Variants in CCSER1 observed in about 807,000 individuals in gnomAD.
CCSER1 encodes coiled-coil serine rich protein 1.
A neutral mutation model predicts 82.0 loss-of-function variants in CCSER1; 41 were observed. The ratio of observed to expected loss-of-function variants is 0.50; its 90% CI spans 0.39 to 0.65. CCSER1 has a LOEUF of 0.65. Among genes scored for constraint, CCSER1 ranks in the 30% least tolerant of loss-of-function variants. The probability of loss-of-function intolerance (pLI) is 0.00; values close to 1 mark genes in which losing one functional copy is unlikely to be tolerated. For missense variants in CCSER1, 1,119 were observed against 1,064.2 expected (o/e 1.05, Z -0.72); for synonymous variants, 414 against 383.9 (o/e 1.08, Z -0.92).
At chr4:90,216,057 A>G (rs1055409189) in intron 1 of CCSER1, among the ~76,000 whole-genome samples, 1 of 152,168 alleles carries the variant, frequency 6.6e-6, no homozygotes, top group Non-Finnish European at 1.5e-5. Flanking sequence ...CCCTGAAGAG[A>G]TTTGAATAAG....
chr4:91,489,005 T>C (rs555315042), intron 10 of CCSER1, among the ~76,000 whole-genome samples: 1 of 152,328 alleles, frequency 6.6e-6, no homozygotes, highest in Admixed American at 6.5e-5. Flanking sequence ...AAGCATTATT[T>C]TGTAATCAGG....
At chr4:91,195,040 G>C (rs1233041864) in intron 10 of CCSER1, among the ~76,000 whole-genome samples, 2 of 152,082 alleles carry the variant, frequency 1.3e-5, no homozygotes, top group African/African-American at 4.8e-5. Flanking sequence ...TATAAAACTT[G>C]AACTATTTTA....
At chr4:90,454,660 A>G (rs892377629) in intron 4 of CCSER1, among the ~76,000 whole-genome samples, 4 of 152,052 alleles carry the variant, frequency 2.6e-5, no homozygotes, top group African/African-American at 2.4e-5. Context: ...TTGGCACTCT[A>G]TGACATACAA....
At position 91,517,635 on chromosome 4, in the gene CCSER1, A is replaced by G. The variant is rs1241726902; in HGVS notation, c.2218-80937A>G. ...CTACGTCTGTCATTTCAGGAACCTC[A>G]GCCCATTTAAGAATCATTTCTGGGA... On this transcript the variant is annotated intron_variant, in intron 10 of 10. Coordinates refer to ENST00000509176, the MANE Select transcript of CCSER1 (RefSeq NM_001145065.2). 4.0e-5 allele frequency among the ~76,000 whole-genome samples: 6 copies of G among 150,432 alleles called. No individual in the cohort carries two copies. The Admixed American group carries it at 4.0e-4, about 10-fold the overall frequency.
chr4:90,969,283 C>T (rs919127013), intron 9 of CCSER1, among the ~76,000 whole-genome samples: 4 of 151,908 alleles, frequency 2.6e-5, no homozygotes, highest in Non-Finnish European at 5.9e-5. Flanking sequence ...GGGATATGAA[C>T]ATCCACGTTC....
At chr4:90,135,334 C>T (rs1335444121) in intron 1 of CCSER1, among the ~76,000 whole-genome samples, 1 of 151,776 alleles carries the variant, frequency 6.6e-6, no homozygotes, top group African/African-American at 2.4e-5. Context: ...TTGAGCAAGA[C>T]CCCCCCTTTG....
chr4:90,348,861 C>A (rs1352261118), intron 3 of CCSER1, among the ~76,000 whole-genome samples: 2 of 152,114 alleles, frequency 1.3e-5, no homozygotes, highest in African/African-American at 4.8e-5. Flanking sequence ...TTGTGAACCA[C>A]ATTTTAACTA....
At chr4:90,644,332 T>C (rs1727097681) in intron 6 of CCSER1, among the ~76,000 whole-genome samples, 3 of 152,194 alleles carry the variant, frequency 2.0e-5, no homozygotes, top group African/African-American at 2.4e-5. Context: ...GTTTTGTTCA[T>C]GAAGTAAACT....
intron 6 of CCSER1, among the ~76,000 whole-genome samples, chr4:90,686,874 G>A (rs533058591): frequency 1.2e-4 from 19 of 152,212 alleles, no homozygotes; most frequent in African/African-American, 4.3e-4. Context: ...GCATATTTCC[G>A]GTGACATATT....
intron 9 of CCSER1, among the ~76,000 whole-genome samples, chr4:90,974,395 A>C (rs1181266955): frequency 6.6e-6 from 1 of 151,252 alleles, no homozygotes; most frequent in Non-Finnish European, 1.5e-5. Flanking sequence ...TATAAACTAA[A>C]ATTATGCAAT....
At chr4:90,898,404 A>G (rs1033857792) in intron 8 of CCSER1, among the ~76,000 whole-genome samples, 10 of 147,652 alleles carry the variant, frequency 6.8e-5, no homozygotes, top group African/African-American at 2.5e-4. Flanking sequence ...CAGCCTCCTG[A>G]GTAGCTGGGA....
chr4:90,185,274 T>G (rs1248950972), intron 1 of CCSER1, among the ~76,000 whole-genome samples: 1 of 152,056 alleles, frequency 6.6e-6, no homozygotes, highest in Non-Finnish European at 1.5e-5. Context: ...CTCCTACATA[T>G]TATTGACTGA....
At chr4:90,408,671 C>A (rs1754151447) in intron 4 of CCSER1, among the ~76,000 whole-genome samples, 1 of 152,136 alleles carries the variant, frequency 6.6e-6, no homozygotes. Flanking sequence ...GATAAAACCA[C>A]AAAGATAGGG....
intron 1 of CCSER1, among the ~76,000 whole-genome samples, chr4:90,197,203 A>G (rs1368584497): frequency 6.6e-6 from 1 of 152,158 alleles, no homozygotes; most frequent in Admixed American, 6.6e-5. Flanking sequence ...ATGACTAGCC[A>G]GATTAAAGAG....
At chr4:91,038,516 A>G (rs935855520) in intron 9 of CCSER1, among the ~76,000 whole-genome samples, 1 of 152,210 alleles carries the variant, frequency 6.6e-6, no homozygotes, top group South Asian at 2.1e-4. Context: ...TGGTTGAAGT[A>G]ATTTATTGTC....
intron 1 of CCSER1, among the ~76,000 whole-genome samples, chr4:90,215,180 C>A (rs1405283359): frequency 3.9e-5 from 6 of 152,180 alleles, no homozygotes; most frequent in African/African-American, 1.4e-4. Flanking sequence ...TAAGCATGTT[C>A]ACCGTTCCTG....
intron 10 of CCSER1, among the ~76,000 whole-genome samples, chr4:91,597,745 G>A (rs949398030): frequency 4.0e-5 from 6 of 151,544 alleles, no homozygotes; most frequent in African/African-American, 1.5e-4. Context: ...TTTCTTTGTA[G>A]CAACAATAAA....
At chr4:90,983,944 A>G (rs1041733762) in intron 9 of CCSER1, among the ~76,000 whole-genome samples, 12 of 151,734 alleles carry the variant, frequency 7.9e-5, no homozygotes, top group Admixed American at 5.9e-4. Flanking sequence ...AAGTAATTCA[A>G]TTCACTAAAG....
intron 10 of CCSER1, among the ~76,000 whole-genome samples, chr4:91,235,188 T>A (rs1461003556): frequency 1.3e-5 from 2 of 152,126 alleles, no homozygotes; most frequent in Admixed American, 1.3e-4. Context: ...AAAATCTAGG[T>A]TAACATAATG....
Sources: allele counts gnomAD v4.1 joint callset (sites outside exome capture counted in the v4.1 genomes callset), GRCh38; gene constraint gnomAD v4.1.1; transcripts MANE v1.5; gene names NCBI Gene and HGNC (gene_info 2026-07-23, HGNC 2026-07-21).